DPYSL4: variants seen among roughly 807,000 people sequenced by gnomAD.
The protein encoded by DPYSL4 is dihydropyrimidinase like 4, also known as dihydropyrimidinase-related protein 4.
A neutral mutation model predicts 63.4 loss-of-function variants in DPYSL4; 43 were observed. That is an observed-to-expected ratio of 0.68 (90% CI 0.53 to 0.88). DPYSL4 has a LOEUF of 0.88. Ranked by LOEUF, DPYSL4 falls within the 40% of genes least tolerant of loss-of-function variation. DPYSL4 has a pLI of 0.00. For missense variants in DPYSL4, 733 were observed against 819.5 expected (o/e 0.89, Z 1.29); for synonymous variants, 353 against 331.7 (o/e 1.06, Z -0.70).
Position 132,192,790 on chromosome 10 carries a change from C to T in DPYSL4, c.261C>T (p.Asp87=), listed in dbSNP as rs147309993. ...CTGTCCTGGGCATGACACCGGCTGA[C>T]GACTTCTGTCAGGGCACCAAGGCAG... ...QMPVLGMTPA[D]DFCQGTKAAL... Residue 87 remains aspartate (D), a synonymous_variant, in exon 3 of 14, where the codon GAC becomes GAT. Transcript: ENST00000338492. 3.9e-5 allele frequency: 63 copies of T among 1,612,992 alleles called. No homozygotes were observed. The African/African-American group carries it at 4.9e-4, about 13-fold the overall frequency.
At chr10:132,201,111 G>A (rs527702883) in intron 10 of DPYSL4, 128 bp downstream of exon 10, 35 of 1,365,694 alleles carry the variant, frequency 2.6e-5, no homozygotes, top group South Asian at 1.6e-4. Flanking sequence ...CACGGGCTCC[G>A]GGGTGGCGGA....
chr10:132,202,925 G>A, intron 12 of DPYSL4, 100 bp downstream of exon 12: 2 of 1,418,660 alleles, frequency 1.4e-6, no homozygotes, highest in Admixed American at 4.7e-5. Context: ...GCCTCCCGAG[G>A]GGTCAGGAAG....
intron 4 of DPYSL4, among the ~76,000 whole-genome samples, chr10:132,195,521 C>T (rs1009028929): frequency 1.3e-5 from 2 of 152,230 alleles, no homozygotes; most frequent in African/African-American, 4.8e-5. Flanking sequence ...GAGTCCGGCC[C>T]ACAGCTTCCA....
At position 132,198,497 on chromosome 10, in the gene DPYSL4, G is replaced by A. The variant is rs1488691647; in HGVS notation, c.690+14G>A. ...CACCCCGAGGAGGTAAGATCCCAGG[G>A]CACCACAGCACACCCGAGCCAACTC... On this transcript the variant is annotated intron_variant, in intron 7 of 13. Coordinates refer to ENST00000338492, the MANE Select transcript of DPYSL4 (RefSeq NM_006426.3). 7 of 1,593,006 alleles carry A rather than the reference G, an allele frequency of 4.4e-6. No homozygotes were observed. Among genetic ancestry groups the A allele is most frequent in the Non-Finnish European group, 6.0e-6 (7 of 1,173,598 alleles).
At chr10:132,204,060 A>T in intron 13 of DPYSL4, 133 bp downstream of exon 13, 1 of 1,211,182 alleles carries the variant, frequency 8.3e-7, no homozygotes, top group Non-Finnish European at 1.1e-6. Flanking sequence ...GGGGCAGGAG[A>T]TGCTGCTGGG....
chr10:132,195,656 G>C lies in DPYSL4; in HGVS notation c.478+647G>C, dbSNP rs113948519. 3.7e-3 allele frequency among the ~76,000 whole-genome samples: 566 copies of C among 152,306 alleles called. 2 individuals carry two copies. The highest frequency in any genetic ancestry group is 5.2e-3 in the Non-Finnish European group (355 of 68,014). Reference sequence around the variant, plus strand: ...AAGGAGGCAGGGGCATTTCTTCAAGGCCATTCCTCTGGGTTCCCATTCCTC... The same window carrying C: ...AAGGAGGCAGGGGCATTTCTTCAAGCCCATTCCTCTGGGTTCCCATTCCTC... On this transcript the variant is annotated intron_variant, in intron 4 of 13. Coordinates refer to ENST00000338492, the MANE Select transcript of DPYSL4 (RefSeq NM_006426.3).
At chr10:132,200,716 C>T (rs1339119191) in intron 9 of DPYSL4, 126 bp from the exon 10 acceptor site, 3 of 1,404,214 alleles carry the variant, frequency 2.1e-6, no homozygotes, top group Non-Finnish European at 2.8e-6. Flanking sequence ...GGCACCAGCT[C>T]TGCCCAGCGA....
At position 132,200,855 on chromosome 10, in the gene DPYSL4, G is replaced by C. The variant is rs1024029788; in HGVS notation, c.982G>C (p.Val328Leu). 20 of 1,612,568 alleles carry C rather than the reference G, an allele frequency of 1.2e-5. No individual in the cohort carries two copies. Among genetic ancestry groups the C allele is most frequent in the Non-Finnish European group, 1.5e-5 (18 of 1,179,830 alleles). ...TCLLSSGDLQ[V>L]TGSAHCTFTT... is the part of the protein sequence containing the mutation. The stretch of plus-strand genomic sequence containing the variant: ...GCTTGTTTCCAGCGGGGACCTCCAG[G>C]TGACAGGCAGCGCCCACTGCACCTT... The change falls in exon 10 of 14, where the codon GTG becomes CTG. Residue 328 changes from valine to leucine, a missense_variant. By Grantham distance (32) the Val-to-Leu change is conservative. Coordinates refer to ENST00000338492, the MANE Select transcript of DPYSL4 (RefSeq NM_006426.3).
chr10:132,198,474 C>A lies in DPYSL4; in HGVS notation c.681C>A (p.His227Gln). The A allele has an allele frequency of 1.9e-6, 3 of 1,603,010 alleles. No individual in the cohort carries two copies. Among genetic ancestry groups the A allele is most frequent in the Non-Finnish European group, 2.5e-6 (3 of 1,177,330 alleles). The change falls in exon 7 of 14, where the codon CAC becomes CAA. Residue 227 changes from histidine (H) to glutamine (Q), a missense_variant. Physicochemically the swap from His to Gln is conservative, Grantham distance 24. Transcript: ENST00000338492. ...ITGPEGHVLS[H>Q]PEEVEAEAVY... ...GCCCCGAGGGCCACGTGCTCAGCCA[C>A]CCCGAGGAGGTAAGATCCCAGGGCA...
intron 12 of DPYSL4, 189 bp from the exon 13 acceptor site, chr10:132,203,573 G>A: frequency 3.4e-6 from 2 of 591,068 alleles, no homozygotes; most frequent in Non-Finnish European, 6.0e-6. Flanking sequence ...CAAGGAGGGA[G>A]GCGTGTGTGA....
At chr10:132,197,435 C>T (rs2061960502) in intron 6 of DPYSL4, among the ~76,000 whole-genome samples, 1 of 152,236 alleles carries the variant, frequency 6.6e-6, no homozygotes. Flanking sequence ...GGTTGGGTTA[C>T]CACCTTCCTT....
intron 2 of DPYSL4, chr10:132,192,208 G>A (rs2061887776): frequency 1.6e-6 from 1 of 638,088 alleles, no homozygotes; most frequent in Middle Eastern, 8.0e-4. Flanking sequence ...CCGGCCTTTG[G>A]TGAGGGCAGA....
chr10:132,187,469 G>A (rs1012886804), intron 1 of DPYSL4, among the ~76,000 whole-genome samples: 11 of 152,010 alleles, frequency 7.2e-5, no homozygotes, highest in Non-Finnish European at 1.5e-4. Context: ...GAGCGCTAGC[G>A]GCTCCTTTCT....
At chr10:132,201,265 G>A (rs1368932845) in intron 10 of DPYSL4, among the ~76,000 whole-genome samples, 2 of 152,090 alleles carry the variant, frequency 1.3e-5, no homozygotes, top group African/African-American at 4.8e-5. Context: ...GTCAGCATGG[G>A]GTCTCCACGC....
At position 132,205,215 on chromosome 10, in the gene DPYSL4, C is replaced by T. The variant is rs752857794; in HGVS notation, c.*285C>T. ...GCCTGAGCCCAGGCACCCCAGTGCC[C>T]GCTGGGCCCAGCCTGGGGACAGGGA... is the stretch of plus-strand genomic sequence containing the variant. On this transcript the variant is annotated 3_prime_UTR_variant, in exon 14 of 14. Coordinates refer to ENST00000338492, the MANE Select transcript of DPYSL4 (RefSeq NM_006426.3). The T allele has an allele frequency of 7.1e-6, 2 of 282,154 alleles. No homozygotes were observed. Among genetic ancestry groups the T allele is most frequent in the Non-Finnish European group, 1.3e-5 (2 of 151,440 alleles). The allele number at this position is 282,154 out of a possible 1,614,324, so 17.5% of individuals were successfully genotyped here.
At chr10:132,193,311 A>C (rs1408545948) in intron 3 of DPYSL4, among the ~76,000 whole-genome samples, 1 of 152,254 alleles carries the variant, frequency 6.6e-6, no homozygotes, top group Non-Finnish European at 1.5e-5. Flanking sequence ...AGCAATGCTC[A>C]TTATTATCCC....
rs2062035605 is a variant in DPYSL4, at chr10:132,202,702, C to A, written c.1338C>A (p.Val446=). 3.1e-6 allele frequency: 5 copies of A among 1,613,458 alleles called. No individual in the cohort carries two copies. The highest frequency in any genetic ancestry group is 4.2e-6 in the Non-Finnish European group (5 of 1,179,994). The part of the protein sequence containing the change: ...GVECRGAPAV[V]ISQGRVALED... ...AGTGCCGGGGAGCGCCTGCCGTGGT[C>A]ATAAGTCAGGGCCGAGTGGCGCTGG... Residue 446 remains valine, a synonymous_variant, in exon 12 of 14, where the codon GTC becomes GTA. Transcript: ENST00000338492.
intron 1 of DPYSL4, among the ~76,000 whole-genome samples, chr10:132,189,262 C>T (rs990106580): frequency 6.6e-6 from 1 of 152,246 alleles, no homozygotes; most frequent in African/African-American, 2.4e-5. Flanking sequence ...GAGGGAAAAG[C>T]GTTGCCGAGT....
rs1468749525 is a variant in DPYSL4 at position 132,200,273 on chromosome 10, G to A, written c.812-83G>A. The A allele has an allele frequency of 3.1e-5, 47 of 1,532,628 alleles. No homozygotes were observed. The East Asian group carries it at 5.9e-4, about 19-fold the overall frequency. The allele number at this position is 1,532,628 out of a possible 1,614,324, so 94.9% of individuals were successfully genotyped here. ...CAGGCAAGGAAAGTGAGGGGCAGTC[G>A]TGGGTGTCAGCAGCAGCAGTTCTCG... On this transcript the variant is annotated intron_variant, in intron 8 of 13. Transcript: ENST00000338492.
Sources: gnomAD v4.1 joint callset for allele counts (sites outside exome capture counted in the v4.1 genomes callset) on GRCh38, gnomAD v4.1.1 for gene constraint, MANE v1.5 for transcripts, NCBI Gene and HGNC (gene_info 2026-07-23, HGNC 2026-07-21) for gene names.